Variants in SCUBE1 observed in about 807,000 individuals in gnomAD.
SCUBE1 encodes the protein signal peptide, CUB domain and EGF like domain containing 1.
SCUBE1 carries 59 observed loss-of-function variants against 124.4 expected under a neutral mutation model. The observed-to-expected ratio is 0.47, with a 90% CI of 0.38 to 0.59. The LOEUF (loss-of-function observed/expected upper bound fraction) is 0.59. Among genes scored for constraint, SCUBE1 ranks in the 20% least tolerant of loss-of-function variants. The pLI, the probability that SCUBE1 is intolerant of heterozygous loss-of-function variation, is 0.00. For synonymous variants in SCUBE1, 545 were observed against 550.9 expected (o/e 0.99, Z 0.15); for missense variants, 1,150 against 1,371.2 (o/e 0.84, Z 2.55).
intron 4 of SCUBE1, among the ~76,000 whole-genome samples, chr22:43,268,672 A>G (rs750828248): frequency 6.6e-6 from 1 of 152,232 alleles, no homozygotes; most frequent in Non-Finnish European, 1.5e-5. Context: ...AGAATTGGAC[A>G]GTAGTAGCGC....
Position 43,249,313 on chromosome 22 carries a change from G to A in SCUBE1, c.727+8906C>T, listed in dbSNP as rs116458151. On this transcript the variant is annotated intron_variant, in intron 6 of 21. Coordinates refer to ENST00000360835, the MANE Select transcript of SCUBE1 (RefSeq NM_173050.5). Reference sequence around the variant, plus strand: ...GAAGAGGAGGTACGGGCGGGGTGGAGGGGAGCTGGGGTGGACGGGAGCTGG... The same window carrying A: ...GAAGAGGAGGTACGGGCGGGGTGGAAGGGAGCTGGGGTGGACGGGAGCTGG... Among the ~76,000 whole-genome samples the A allele has an allele frequency of 8.6e-3, 1,308 of 151,830 alleles. 26 individuals carry two copies. Among genetic ancestry groups the A allele is most frequent in the African/African-American group, 0.03 (1,237 of 41,364 alleles).
intron 19 of SCUBE1, 136 bp downstream of exon 19, chr22:43,209,907 G>C: frequency 2.2e-6 from 2 of 897,776 alleles, no homozygotes; most frequent in Non-Finnish European, 3.3e-6. Flanking sequence ...GGTGGACTCT[G>C]AGGGGCTGGT....
intron 21 of SCUBE1, among the ~76,000 whole-genome samples, chr22:43,205,463 G>A (rs13057738): frequency 0.038 from 5,827 of 152,014 alleles, 128 homozygotes; most frequent in South Asian, 0.057. Flanking sequence ...AGCAAATGGC[G>A]ACCACCACCT....
chr22:43,287,742 C>G (rs1322956462), intron 4 of SCUBE1, among the ~76,000 whole-genome samples: 1 of 152,264 alleles, frequency 6.6e-6, no homozygotes, highest in Non-Finnish European at 1.5e-5. Context: ...TCCTTCAGCC[C>G]TCCCAGGAGC....
chr22:43,311,738 C>T (rs1483561075), intron 3 of SCUBE1, among the ~76,000 whole-genome samples: 1 of 152,020 alleles, frequency 6.6e-6, no homozygotes, highest in Non-Finnish European at 1.5e-5. Flanking sequence ...TAATATAGCA[C>T]TTTCTACCCT....
intron 4 of SCUBE1, among the ~76,000 whole-genome samples, chr22:43,267,334 G>A (rs1014800846): frequency 1.3e-4 from 20 of 152,170 alleles, no homozygotes; most frequent in Non-Finnish European, 2.6e-4. Flanking sequence ...GGAGAGAGGA[G>A]GGAGCAAGGA....
intron 3 of SCUBE1, among the ~76,000 whole-genome samples, chr22:43,314,417 G>T (rs1048268378): frequency 6.6e-5 from 10 of 152,176 alleles, no homozygotes; most frequent in African/African-American, 2.4e-4. Context: ...GAGCGAGAGT[G>T]CTGTTGCCCT....
At chr22:43,222,599 A>C in intron 12 of SCUBE1, 39 bp downstream of exon 12, 1 of 1,446,694 alleles carries the variant, frequency 6.9e-7, no homozygotes, top group Non-Finnish European at 9.4e-7. Flanking sequence ...CAGTCAAGTC[A>C]CCCAGTGGCA....
rs74516270 is a variant in SCUBE1, at chr22:43,201,604, C to T, written c.*2393G>A. ...CTGGGACATCCATCTTCCTCGTTCT[C>T]GGGGCTTTGGATGCTGGGACTCACA... On this transcript the variant is annotated 3_prime_UTR_variant, in exon 22 of 22. Coordinates refer to ENST00000360835, the MANE Select transcript of SCUBE1 (RefSeq NM_173050.5). The T allele has an allele frequency of 0.037, 5,700 of 152,156 alleles. 336 individuals carry two copies. The highest frequency in any genetic ancestry group is 0.12 in the African/African-American group (4,936 of 41,474). The allele number at this position is 152,156 out of a possible 1,614,324, so 9.4% of individuals were successfully genotyped here. A position where few individuals can be genotyped will look rare whatever the true frequency, so the allele number is the denominator to read the frequency against.
At chr22:43,219,313 C>T (rs1372008712) in intron 14 of SCUBE1, among the ~76,000 whole-genome samples, 3 of 152,156 alleles carry the variant, frequency 2.0e-5, no homozygotes, top group Admixed American at 2.0e-4. Context: ...ATGCCAGCTG[C>T]TCTTCACCTT....
In SCUBE1 at chr22:43,200,052, G is replaced by T. The variant is rs927440168; in HGVS notation, c.*3945C>A. The T allele has an allele frequency of 6.6e-6, 1 of 152,262 alleles. No homozygotes were observed. The highest frequency in any genetic ancestry group is 1.5e-5 in the Non-Finnish European group (1 of 68,076). The allele number at this position is 152,262 out of a possible 1,614,324, so 9.4% of individuals were successfully genotyped here. On this transcript the variant is annotated 3_prime_UTR_variant, in exon 22 of 22. Coordinates refer to ENST00000360835, the MANE Select transcript of SCUBE1 (RefSeq NM_173050.5). ...GGGCAGAAAGGTCCCCCCACGCCTG[G>T]GTCCCACCTGACTCCTGGGAAGCTG...
chr22:43,198,155 T>G lies in SCUBE1; in HGVS notation c.*5842A>C. 4.5e-6 allele frequency: 1 copy of G among 222,512 alleles called. No homozygotes were observed. Among genetic ancestry groups the G allele is most frequent in the South Asian group, 6.7e-5 (1 of 14,974 alleles). 13.8% of individuals were successfully genotyped at this position (222,512 alleles called of 1,614,324 possible). A position where few individuals can be genotyped will look rare whatever the true frequency, so the allele number is the denominator to read the frequency against. On this transcript the variant is annotated 3_prime_UTR_variant, in exon 22 of 22. Transcript: ENST00000360835. ...CATGGGGCTGGGGGGATGGAATGTG[T>G]GGATATTAGAGGGTTGAGCCCAGAG...
At chr22:43,226,427 G>C (rs555178770) in intron 10 of SCUBE1, among the ~76,000 whole-genome samples, 5 of 84,692 alleles carry the variant, frequency 5.9e-5, no homozygotes, top group African/African-American at 7.6e-5. Context: ...GTGCTGGTGT[G>C]GGGGGGCCCT....
At chr22:43,341,720 C>A (rs1410901095) in intron 1 of SCUBE1, among the ~76,000 whole-genome samples, 1 of 152,206 alleles carries the variant, frequency 6.6e-6, no homozygotes, top group Non-Finnish European at 1.5e-5. Context: ...CCGCTCCTGT[C>A]TGGGCTGGAG....
intron 4 of SCUBE1, among the ~76,000 whole-genome samples, chr22:43,279,365 A>G (rs141029875): frequency 0.01 from 1,581 of 152,260 alleles, 10 homozygotes; most frequent in Non-Finnish European, 0.018. Flanking sequence ...GCAGGGCCTC[A>G]CCTCCAACCA....
chr22:43,299,944 C>T (rs551729347), intron 3 of SCUBE1, among the ~76,000 whole-genome samples: 13 of 152,350 alleles, frequency 8.5e-5, no homozygotes, highest in South Asian at 2.1e-4. Context: ...CATGTCGTAG[C>T]GTGACTCAGC....
At chr22:43,280,542 C>T (rs62232105) in intron 4 of SCUBE1, among the ~76,000 whole-genome samples, 6,780 of 67,238 alleles carry the variant, frequency 0.1, 1,167 homozygotes, top group African/African-American at 0.33. Flanking sequence ...CACCCATCCT[C>T]CTGTCCCTTC....
intron 3 of SCUBE1, among the ~76,000 whole-genome samples, chr22:43,296,016 C>T (rs1238545075): frequency 6.9e-6 from 1 of 145,418 alleles, no homozygotes; most frequent in Non-Finnish European, 1.5e-5. Context: ...GAAGGGCCTG[C>T]AGCCTCTCTA....
chr22:43,259,087 A>G (rs977956487), intron 5 of SCUBE1, among the ~76,000 whole-genome samples: 2 of 152,226 alleles, frequency 1.3e-5, no homozygotes, highest in South Asian at 2.1e-4. Flanking sequence ...GGTTGGCTGA[A>G]AAGGGGGCAG....
Sources: allele counts gnomAD v4.1 joint callset (sites outside exome capture counted in the v4.1 genomes callset), GRCh38; gene constraint gnomAD v4.1.1; transcripts MANE v1.5; gene names NCBI Gene and HGNC (gene_info 2026-07-23, HGNC 2026-07-21).